ZHX2: variants seen among roughly 807,000 people sequenced by gnomAD.
ZHX2 encodes the protein zinc fingers and homeoboxes 2.
A neutral mutation model predicts 21.9 loss-of-function variants in ZHX2; 6 were observed. That is an observed-to-expected ratio of 0.27 (90% CI 0.15 to 0.54). The LOEUF is 0.54. Ranked by LOEUF, ZHX2 falls within the 20% of genes least tolerant of loss-of-function variation. ZHX2 has a pLI of 0.95. For synonymous variants in ZHX2, 434 were observed against 437.1 expected (o/e 0.99, Z 0.09); for missense variants, 908 against 1,090.7 (o/e 0.83, Z 2.36).
intron 2 of ZHX2, among the ~76,000 whole-genome samples, chr8:122,896,787 G>A (rs941348595): frequency 5.3e-5 from 8 of 152,176 alleles, no homozygotes; most frequent in Non-Finnish European, 8.8e-5. Context: ...AGGTATGAAG[G>A]GAGCTTTGTA....
At chr8:122,886,519 G>A (rs1325770937) in intron 2 of ZHX2, among the ~76,000 whole-genome samples, 2 of 151,990 alleles carry the variant, frequency 1.3e-5, no homozygotes, top group Admixed American at 6.6e-5. Context: ...TGTAACAAAC[G>A]TACCCCACCA....
intron 1 of ZHX2, among the ~76,000 whole-genome samples, chr8:122,844,153 G>T (rs1156946830): frequency 6.6e-6 from 1 of 152,204 alleles, no homozygotes; most frequent in East Asian, 1.9e-4. Context: ...AAAGGGAACT[G>T]CCCTGCAGGA....
intron 3 of ZHX2, among the ~76,000 whole-genome samples, chr8:122,972,056 C>G (rs1180683786): frequency 6.6e-6 from 1 of 152,166 alleles, no homozygotes; most frequent in East Asian, 1.9e-4. Context: ...GTGGATGCAT[C>G]AGCCCAATAT....
At position 122,952,298 on chromosome 8, in the gene ZHX2, A is replaced by C. The variant is rs1247686827; in HGVS notation, c.788A>C (p.Asn263Thr). 3 of 1,614,052 alleles carry C rather than the reference A, an allele frequency of 1.9e-6. No individual in the cohort carries two copies. Among genetic ancestry groups the C allele is most frequent in the Admixed American group, 3.3e-5 (2 of 60,002 alleles). ...NLVPKVPVPL[N>T]TTKYNSALDT... ...GTGCCCAAGGTCCCTGTCCCACTAA[A>C]TACTACCAAATACAACTCTGCCCTG... Residue 263 changes from asparagine to threonine, a missense_variant, in exon 3 of 4, where the codon AAT becomes ACT. This residue lies in a region of ZHX2 where 232 missense variants were observed against 361.8 expected (regional missense o/e 0.64). Transcript: ENST00000314393. The surrounding 1 kb of genome is among the most constrained non-coding windows in gnomAD (Gnocchi z 6.9).
intron 1 of ZHX2, among the ~76,000 whole-genome samples, chr8:122,821,242 T>C (rs183077768): frequency 3.3e-5 from 5 of 152,290 alleles, no homozygotes; most frequent in Non-Finnish European, 7.4e-5. Context: ...CTTCCTGACT[T>C]GCTGCCCAGC....
chr8:122,824,006 T>C (rs1248687315), intron 1 of ZHX2, among the ~76,000 whole-genome samples: 1 of 152,198 alleles, frequency 6.6e-6, no homozygotes, highest in Non-Finnish European at 1.5e-5. Flanking sequence ...CATGAATCAA[T>C]TCAGACATTC....
chr8:122,789,006 G>A (rs977515109), intron 1 of ZHX2, among the ~76,000 whole-genome samples: 12 of 152,106 alleles, frequency 7.9e-5, no homozygotes, highest in Admixed American at 5.9e-4. Context: ...TGCGCCCTCC[G>A]CCCTCTCCTC....
chr8:122,926,464 C>T (rs1176136802), intron 2 of ZHX2, among the ~76,000 whole-genome samples: 1 of 152,174 alleles, frequency 6.6e-6, no homozygotes, highest in Non-Finnish European at 1.5e-5. Context: ...CTTTAAAAGG[C>T]CATTTCACCG....
intron 1 of ZHX2, among the ~76,000 whole-genome samples, chr8:122,800,847 G>T (rs1817706107): frequency 6.6e-6 from 1 of 152,228 alleles, no homozygotes; most frequent in South Asian, 2.1e-4. Context: ...GGGGGAGCTT[G>T]CCTGAAAGAG....
chr8:122,796,222 G>T (rs991361075), intron 1 of ZHX2, among the ~76,000 whole-genome samples: 1 of 151,916 alleles, frequency 6.6e-6, no homozygotes, highest in African/African-American at 2.4e-5. Flanking sequence ...TGTAGACACT[G>T]GCCCTGTCTT....
intron 2 of ZHX2, among the ~76,000 whole-genome samples, chr8:122,896,224 T>A (rs547668052): frequency 6.8e-6 from 1 of 147,136 alleles, no homozygotes; most frequent in Non-Finnish European, 1.5e-5. Flanking sequence ...TTACTAGGAC[T>A]CTTTTTTTTT....
intron 2 of ZHX2, among the ~76,000 whole-genome samples, chr8:122,938,105 T>C (rs979916490): frequency 1.3e-5 from 2 of 151,684 alleles, no homozygotes; most frequent in Admixed American, 6.6e-5. Flanking sequence ...CCAGCTAATT[T>C]TTCATTTTTA....
chr8:122,944,005 C>G (rs1329152090), intron 2 of ZHX2, among the ~76,000 whole-genome samples: 1 of 152,192 alleles, frequency 6.6e-6, no homozygotes, highest in Non-Finnish European at 1.5e-5. Flanking sequence ...CCTTGTCATT[C>G]CTCAAATGTT....
chr8:122,884,754 G>A (rs915948258), intron 2 of ZHX2, among the ~76,000 whole-genome samples: 1 of 152,208 alleles, frequency 6.6e-6, no homozygotes, highest in African/African-American at 2.4e-5. Context: ...ACCTGTGGGA[G>A]CATGTGAGCC....
intron 2 of ZHX2, among the ~76,000 whole-genome samples, chr8:122,943,782 G>A (rs1232558617): frequency 6.6e-6 from 1 of 152,096 alleles, no homozygotes; most frequent in African/African-American, 2.4e-5. Context: ...TCATTGATGT[G>A]CCTCTTTTCC....
At chr8:122,863,180 A>G (rs1397797330) in intron 1 of ZHX2, among the ~76,000 whole-genome samples, 3 of 151,674 alleles carry the variant, frequency 2.0e-5, no homozygotes, top group Admixed American at 6.6e-5. Flanking sequence ...CCGCACCCCT[A>G]CATCCGCCGA....
At chr8:122,894,654 G>C (rs1388479678) in intron 2 of ZHX2, among the ~76,000 whole-genome samples, 1 of 152,218 alleles carries the variant, frequency 6.6e-6, no homozygotes, top group Admixed American at 6.5e-5. Flanking sequence ...TATGGGGTGC[G>C]GGGAGCGGGG....
At position 122,782,869 on chromosome 8, in the gene ZHX2, C is replaced by T. The variant is rs1039764632; in HGVS notation, c.-283+923C>T. 6.6e-6 allele frequency among the ~76,000 whole-genome samples: 1 copy of T among 152,226 alleles called. No individual in the cohort carries two copies. The highest frequency in any genetic ancestry group is 2.4e-5 in the African/African-American group (1 of 41,468). On this transcript the variant is annotated intron_variant, in intron 1 of 3. Transcript: ENST00000314393. This position sits in a 1 kb window ranked among gnomAD's most constrained non-coding sequence, Gnocchi z 5.3. ...TTCGTCTGCCCCACAAGAGGTTAAT[C>T]TTTGTTGGTGTTGCAGCTTCTTTGT... is the stretch of plus-strand genomic sequence containing the variant.
At chr8:122,946,465 G>C (rs939712692) in intron 2 of ZHX2, among the ~76,000 whole-genome samples, 1 of 151,818 alleles carries the variant, frequency 6.6e-6, no homozygotes. Context: ...TGGATTCCTG[G>C]TTGCTGAATG....
Sources: gnomAD v4.1 joint callset for allele counts (sites outside exome capture counted in the v4.1 genomes callset) on GRCh38, gnomAD v4.1.1 for gene constraint, gnomAD v4.1.1 regional missense constraint, Gnocchi (gnomAD v3.1) non-coding constraint, MANE v1.5 for transcripts, NCBI Gene and HGNC (gene_info 2026-07-23, HGNC 2026-07-21) for gene names.